The following ALK variants were observed in gnomAD, a reference collection of about 807,000 sequenced individuals.
ALK encodes ALK tyrosine kinase receptor.
ALK carries 74 observed loss-of-function variants against 163.1 expected under a neutral mutation model. The observed-to-expected ratio is 0.45, with a 90% confidence interval of 0.38 to 0.55. ALK has a LOEUF of 0.55. Ranked by LOEUF, ALK falls within the 20% of genes least tolerant of loss-of-function variation. The pLI is 0.00. For synonymous variants in ALK, 960 were observed against 843.2 expected (o/e 1.14, Z -2.40); for missense variants, 2,063 against 2,105.3 (o/e 0.98, Z 0.39).
rs1276661047 is a variant in ALK, at chr2:29,514,053, G to A, written c.1154+17862C>T. 3.3e-3 allele frequency among the ~76,000 whole-genome samples: 329 copies of A among 100,506 alleles called. 25 individuals are homozygous for A. Among genetic ancestry groups the A allele is most frequent in the Non-Finnish European group, 4.4e-3 (212 of 48,410 alleles). The allele number at this position is 100,506 out of a possible 152,430, so 65.9% of individuals were successfully genotyped here. On this transcript the variant is annotated intron_variant, in intron 4 of 28. Transcript: ENST00000389048. ...AGGAACACTTTTACACTGTTGGTGAGACTGTAAACTAGTTCAACCATTGTG... is the reference window on the plus strand; with the variant it reads ...AGGAACACTTTTACACTGTTGGTGAAACTGTAAACTAGTTCAACCATTGTG...
intron 4 of ALK, among the ~76,000 whole-genome samples, chr2:29,508,757 A>C (rs992728307): frequency 1.6e-5 from 2 of 121,636 alleles, no homozygotes; most frequent in African/African-American, 2.9e-5. Flanking sequence ...AAAAAAAAAA[A>C]AGAAATCCAG....
intron 4 of ALK, among the ~76,000 whole-genome samples, chr2:29,505,639 C>T (rs10197144): frequency 0.16 from 24,044 of 151,756 alleles, 2,613 homozygotes; most frequent in African/African-American, 0.31. Flanking sequence ...GCCCTGTTTA[C>T]AGTGGCTGTA....
At chr2:29,216,954 TGTGTGTGTGGTGTGTGC>T (rs1669636797) in intron 23 of ALK, among the ~76,000 whole-genome samples, 41 of 28,874 alleles carry the variant, frequency 1.4e-3, no homozygotes, top group South Asian at 4.1e-3. Context: ...TGGCATGTGA[TGTGTGTGTGGTGTGTGC>T]GTGGTGTGTG....
At chr2:29,619,644 C>T (rs1016051925) in intron 3 of ALK, among the ~76,000 whole-genome samples, 13 of 152,238 alleles carry the variant, frequency 8.5e-5, no homozygotes, top group African/African-American at 3.1e-4. Flanking sequence ...GGACTGAGAA[C>T]TTAGCCCCGA....
intron 1 of ALK, among the ~76,000 whole-genome samples, chr2:29,813,261 A>G (rs751027550): frequency 1.3e-5 from 2 of 152,176 alleles, no homozygotes; most frequent in Non-Finnish European, 2.9e-5. Context: ...GCACCAAAGA[A>G]GATTCAAAAA....
chr2:29,610,522 T>C (rs926903184), intron 3 of ALK, among the ~76,000 whole-genome samples: 2 of 152,168 alleles, frequency 1.3e-5, no homozygotes, highest in African/African-American at 4.8e-5. Context: ...GCTGGCCTGA[T>C]AAATCTGAAA....
chr2:29,605,862 C>T (rs1318429995), intron 3 of ALK, among the ~76,000 whole-genome samples: 1 of 152,168 alleles, frequency 6.6e-6, no homozygotes, highest in Non-Finnish European at 1.5e-5. Context: ...ACATGGAATG[C>T]TGCCTCCCCA....
intron 3 of ALK, among the ~76,000 whole-genome samples, chr2:29,536,373 C>G (rs575004371): frequency 2.0e-5 from 3 of 151,674 alleles, no homozygotes; most frequent in Non-Finnish European, 4.4e-5. Flanking sequence ...CTTTCTCTCT[C>G]GCTCTCACTC....
intron 11 of ALK, among the ~76,000 whole-genome samples, chr2:29,256,783 C>A (rs143617301): frequency 9.2e-5 from 14 of 152,204 alleles, no homozygotes; most frequent in African/African-American, 3.1e-4. Flanking sequence ...CCTGCAGTGG[C>A]CCCCGCAGTC....
In ALK at chr2:29,227,239, T is replaced by C. The variant is rs537302901; in HGVS notation, c.2915-165A>G. On this transcript the variant is annotated intron_variant, in intron 17 of 28. Coordinates refer to ENST00000389048, the MANE Select transcript of ALK (RefSeq NM_004304.5). This position sits in a 1 kb window ranked among gnomAD's most constrained non-coding sequence, Gnocchi z 4.4. ...GTGTAGAAGAGTCTTCCTGTGCATATAGAGAGTGCAGCGGAGGCAGCGGGC... is the reference window on the plus strand; with the variant it reads ...GTGTAGAAGAGTCTTCCTGTGCATACAGAGAGTGCAGCGGAGGCAGCGGGC... 1.3e-5 allele frequency among the ~76,000 whole-genome samples: 2 copies of C among 152,188 alleles called. No homozygotes were observed. Among genetic ancestry groups the C allele is most frequent in the African/African-American group, 4.8e-5 (2 of 41,510 alleles).
At chr2:29,422,087 G>A (rs1396398975) in intron 4 of ALK, among the ~76,000 whole-genome samples, 1 of 151,478 alleles carries the variant, frequency 6.6e-6, no homozygotes, top group African/African-American at 2.5e-5. Context: ...CACGAGGGGA[G>A]GCAAAGGAAT....
chr2:29,238,160 C>G (rs889143290), intron 13 of ALK, among the ~76,000 whole-genome samples: 10 of 152,178 alleles, frequency 6.6e-5, no homozygotes, highest in Non-Finnish European at 1.0e-4. Context: ...TGCAGTTGAA[C>G]CAGCAAAGCT....
chr2:29,714,177 C>G (rs1415599188), intron 2 of ALK, among the ~76,000 whole-genome samples: 1 of 152,084 alleles, frequency 6.6e-6, no homozygotes, highest in African/African-American at 2.4e-5. Context: ...AAAATAAAGT[C>G]TTTCTTTAGA....
chr2:29,253,273 T>C (rs1208727853), intron 11 of ALK, among the ~76,000 whole-genome samples: 3 of 152,174 alleles, frequency 2.0e-5, no homozygotes, highest in Non-Finnish European at 4.4e-5. Context: ...CCAAAATATA[T>C]GTGTGGGCTG....
chr2:29,851,960 G>A (rs1407055186), intron 1 of ALK, among the ~76,000 whole-genome samples: 1 of 152,222 alleles, frequency 6.6e-6, no homozygotes, highest in Non-Finnish European at 1.5e-5. Flanking sequence ...GTAGTAGAAT[G>A]AGAGGTAGAA....
chr2:29,207,092 G>T (rs1160691888), intron 26 of ALK, 79 bp downstream of exon 26: 2 of 1,125,674 alleles, frequency 1.8e-6, no homozygotes, highest in East Asian at 2.3e-5. Flanking sequence ...CGGGCTCCCG[G>T]CTTAGAGTAT....
chr2:29,684,099 G>A (rs1015627476), intron 3 of ALK, among the ~76,000 whole-genome samples: 17 of 152,042 alleles, frequency 1.1e-4, no homozygotes, highest in South Asian at 2.1e-4. Flanking sequence ...GCAAGGTCCC[G>A]GCTTTCTTTC....
intron 3 of ALK, among the ~76,000 whole-genome samples, chr2:29,671,119 C>G (rs952439018): frequency 6.6e-6 from 1 of 151,962 alleles, no homozygotes; most frequent in Non-Finnish European, 1.5e-5. Flanking sequence ...AGTTTTCTCT[C>G]TCTGGCCTGT....
At chr2:29,602,408 A>C (rs1369790511) in intron 3 of ALK, among the ~76,000 whole-genome samples, 2 of 152,190 alleles carry the variant, frequency 1.3e-5, no homozygotes, top group African/African-American at 4.8e-5. Flanking sequence ...GAACTCTTTA[A>C]TATATAAGAC....
Sources: gnomAD v4.1 joint callset for allele counts (sites outside exome capture counted in the v4.1 genomes callset) on GRCh38, gnomAD v4.1.1 for gene constraint, Gnocchi (gnomAD v3.1) non-coding constraint, MANE v1.5 for transcripts, NCBI Gene and HGNC (gene_info 2026-07-23, HGNC 2026-07-21) for gene names.